The following SLC6A4 variants were observed in gnomAD, a reference collection of about 807,000 sequenced individuals.
SLC6A4 encodes the protein sodium-dependent serotonin transporter.
A neutral mutation model predicts 73.4 loss-of-function variants in SLC6A4; 22 were observed. That is an observed-to-expected ratio of 0.30 (90% confidence interval 0.21 to 0.43). The LOEUF (loss-of-function observed/expected upper bound fraction) is 0.43, where lower values mean the gene tolerates loss of function less well. Among genes scored for constraint, SLC6A4 ranks in the 20% least tolerant of loss-of-function variants. The pLI is 1.00. For missense variants in SLC6A4, 593 were observed against 808.5 expected (o/e 0.73, Z 3.23); for synonymous variants, 270 against 315.5 (o/e 0.86, Z 1.53).
chr17:30,222,542 C>T (rs867513124), intron 2 of SLC6A4, among the ~76,000 whole-genome samples: 1 of 152,232 alleles, frequency 6.6e-6, no homozygotes, highest in African/African-American at 2.4e-5. Flanking sequence ...ACAGTCCTCA[C>T]CATCATTTAA....
intron 10 of SLC6A4, among the ~76,000 whole-genome samples, chr17:30,210,996 G>T (rs2143014279): frequency 6.6e-6 from 1 of 152,334 alleles, no homozygotes; most frequent in Non-Finnish European, 1.5e-5. Context: ...CCTTGGCAAA[G>T]CAGAGACCCA....
chr17:30,199,663 G>A (rs969824847), intron 14 of SLC6A4, among the ~76,000 whole-genome samples: 1 of 152,118 alleles, frequency 6.6e-6, no homozygotes, highest in Non-Finnish European at 1.5e-5. Context: ...CATGACCTTA[G>A]TATCTGTGTA....
At position 30,218,245 on chromosome 17, in the gene SLC6A4, A is replaced by T; in HGVS notation, c.571T>A (p.Phe191Ile). Residue 191 changes from phenylalanine (F) to isoleucine (I), a missense_variant, in exon 5 of 15, where the codon TTC becomes ATC. Phe to Ile is a conservative substitution (Grantham distance 21, BLOSUM62 0). Coordinates refer to ENST00000650711, the MANE Select transcript of SLC6A4 (RefSeq NM_001045.6). ...AWALYYLISS[F>I]TDQLPWTSCK... Reference sequence around the variant, plus strand: ...CTGGTCCAGGGCAGCTGGTCCGTGAAGGAGGAGATGAGGTAGTATAGCGCC... The same window carrying T: ...CTGGTCCAGGGCAGCTGGTCCGTGATGGAGGAGATGAGGTAGTATAGCGCC... 6.2e-7 allele frequency: 1 copy of T among 1,614,188 alleles called. No individual in the cohort carries two copies. The highest frequency in any genetic ancestry group is 8.5e-7 in the Non-Finnish European group (1 of 1,180,028).
intron 1 of SLC6A4, among the ~76,000 whole-genome samples, chr17:30,223,121 T>A (rs1906822624): frequency 6.6e-6 from 1 of 152,218 alleles, no homozygotes; most frequent in Non-Finnish European, 1.5e-5. Context: ...ACTTTAAACC[T>A]ATGGCCTGTT....
Position 30,203,748 on chromosome 17 carries a change from C to T in SLC6A4, c.1651-409G>A, listed in dbSNP as rs189731795. On this transcript the variant is annotated intron_variant, in intron 13 of 14. Transcript: ENST00000650711. Reference sequence around the variant, plus strand: ...TAAACTGGGTGACCTCTCCGCAGCCCCCCGCCAGGCCCCAGGCTTCATATT... The same window carrying T: ...TAAACTGGGTGACCTCTCCGCAGCCTCCCGCCAGGCCCCAGGCTTCATATT... The T allele has an allele frequency of 2.3e-5, 4 of 174,236 alleles. No individual in the cohort carries two copies. In the South Asian group the frequency reaches 4.5e-4, roughly 19 times the overall value. The allele number at this position is 174,236 out of a possible 1,614,324, so 10.8% of individuals were successfully genotyped here.
intron 13 of SLC6A4, among the ~76,000 whole-genome samples, chr17:30,207,018 A>C (rs1906227718): frequency 1.3e-5 from 2 of 152,006 alleles, no homozygotes; most frequent in Admixed American, 1.3e-4. Context: ...AATCTCCTTA[A>C]ATGTAAAATG....
At chr17:30,221,476 CCCGGGTCACAGCCCAT>C in intron 3 of SLC6A4, 124 bp downstream of exon 3, 4 of 642,146 alleles carry the variant, frequency 6.2e-6, no homozygotes, top group Non-Finnish European at 1.1e-5. Context: ...TCACAGCCCA[CCCGGGTCACAGCCCAT>C]CCCAGGTCAC....
At chr17:30,233,605 C>T (rs1391800802) in intron 1 of SLC6A4, among the ~76,000 whole-genome samples, 2 of 152,110 alleles carry the variant, frequency 1.3e-5, no homozygotes, top group African/African-American at 2.4e-5. Flanking sequence ...GGAGGGGACT[C>T]GGACATCGTG....
intron 13 of SLC6A4, among the ~76,000 whole-genome samples, chr17:30,207,283 T>C (rs763252067): frequency 1.2e-4 from 19 of 152,198 alleles, no homozygotes; most frequent in Non-Finnish European, 2.4e-4. Context: ...TTTTGTCTCC[T>C]GGTATGGTTT....
intron 1 of SLC6A4, among the ~76,000 whole-genome samples, chr17:30,225,698 G>A (rs992090705): frequency 1.3e-5 from 2 of 152,158 alleles, no homozygotes; most frequent in Admixed American, 1.3e-4. Context: ...GTGACAGGCT[G>A]AGGGTGGTGC....
In SLC6A4 at chr17:30,215,720, A is replaced by G; in HGVS notation, c.973-6T>C. 6.2e-7 allele frequency: 1 copy of G among 1,612,992 alleles called. No individual in the cohort carries two copies. On this transcript the variant is annotated splice_region_variant and splice_polypyrimidine_tract_variant and intron_variant, in intron 7 of 14. Coordinates refer to ENST00000650711, the MANE Select transcript of SLC6A4 (RefSeq NM_001045.6). ...GCGGCTGCATCTATCCACACCTGGAACACAGCAGGGGTAAGGGCATGGGGT... is the reference window on the plus strand; with the variant it reads ...GCGGCTGCATCTATCCACACCTGGAGCACAGCAGGGGTAAGGGCATGGGGT...
At chr17:30,224,787 G>A (rs116381815) in intron 1 of SLC6A4, among the ~76,000 whole-genome samples, 14 of 152,264 alleles carry the variant, frequency 9.2e-5, no homozygotes, top group East Asian at 5.8e-4. Flanking sequence ...TCCTTGAGGC[G>A]TCCTGCAGAG....
At chr17:30,222,517 C>T (rs567021338) in intron 2 of SLC6A4, among the ~76,000 whole-genome samples, 1 of 152,336 alleles carries the variant, frequency 6.6e-6, no homozygotes, top group South Asian at 2.1e-4. Context: ...GCGTTTCTGC[C>T]TTTCAGCAGG....
chr17:30,213,392 T>C lies in SLC6A4; in HGVS notation c.1077-525A>G, dbSNP rs1188090678. ...ATCTCAGCTCACTGTACCCTCTGCCTCCCGGGTTCAGGTGATTCTCCTGCT... is the reference window on the plus strand; with the variant it reads ...ATCTCAGCTCACTGTACCCTCTGCCCCCCGGGTTCAGGTGATTCTCCTGCT... On this transcript the variant is annotated intron_variant, in intron 8 of 14. Transcript: ENST00000650711. 4.7e-5 allele frequency among the ~76,000 whole-genome samples: 7 copies of C among 148,028 alleles called. No homozygotes were observed. The Admixed American group carries it at 4.8e-4, about 10-fold the overall frequency.
intron 1 of SLC6A4, among the ~76,000 whole-genome samples, chr17:30,229,218 T>A (rs1907015741): frequency 6.6e-6 from 1 of 152,216 alleles, no homozygotes; most frequent in Non-Finnish European, 1.5e-5. Context: ...TTTCAGACTT[T>A]GAAACAAGTA....
chr17:30,226,155 A>G (rs956477915), intron 1 of SLC6A4, among the ~76,000 whole-genome samples: 4 of 152,228 alleles, frequency 2.6e-5, no homozygotes, highest in African/African-American at 9.6e-5. Flanking sequence ...TCTTTCTCAA[A>G]ACAAACAAAA....
chr17:30,230,086 AGAAGAAGAAGAG>A (rs1276248111), intron 1 of SLC6A4, among the ~76,000 whole-genome samples: 3,378 of 129,524 alleles, frequency 0.026, 74 homozygotes, highest in African/African-American at 0.044. Context: ...AAGAAGAAGA[AGAAGAAGAAGAG>A]GAGGAAGAGG....
In SLC6A4 at chr17:30,196,123, G is replaced by C. The variant is rs543149879; in HGVS notation, c.*2333C>G. ...GTGAGTCACTGCACCCAGCCTCTTGGGTATTTCTTACTGATACAAGAAAAA... is the reference window on the plus strand; with the variant it reads ...GTGAGTCACTGCACCCAGCCTCTTGCGTATTTCTTACTGATACAAGAAAAA... On this transcript the variant is annotated 3_prime_UTR_variant, in exon 15 of 15. Transcript: ENST00000650711. 1 of 151,566 alleles carries C rather than the reference G, an allele frequency of 6.6e-6. No homozygotes were observed. The highest frequency in any genetic ancestry group is 1.9e-4 in the East Asian group (1 of 5,158). 9.4% of individuals were successfully genotyped at this position (151,566 alleles called of 1,614,324 possible).
Position 30,235,321 on chromosome 17 carries a change from C to T in SLC6A4, c.-221+292G>A, listed in dbSNP as rs1907235404. On this transcript the variant is annotated intron_variant, in intron 1 of 14. Transcript: ENST00000650711. This position sits in a 1 kb window ranked among gnomAD's most constrained non-coding sequence, Gnocchi z 4.5. ...CCTCTTTAAGGGGTCTTTCACGGGTCCTCAAGAGGTTGCAAAGCCCCTGCA... is the reference window on the plus strand; with the variant it reads ...CCTCTTTAAGGGGTCTTTCACGGGTTCTCAAGAGGTTGCAAAGCCCCTGCA... Among the ~76,000 whole-genome samples the T allele has an allele frequency of 6.6e-6, 1 of 152,196 alleles. No individual in the cohort carries two copies. The highest frequency in any genetic ancestry group is 1.5e-5 in the Non-Finnish European group (1 of 68,030).
Sources: gnomAD v4.1 joint callset for allele counts (sites outside exome capture counted in the v4.1 genomes callset) on GRCh38, gnomAD v4.1.1 for gene constraint, Gnocchi (gnomAD v3.1) non-coding constraint, MANE v1.5 for transcripts, NCBI Gene and HGNC (gene_info 2026-07-23, HGNC 2026-07-21) for gene names.